The following ROBO2 variants were observed in gnomAD, a reference collection of about 807,000 sequenced individuals.
ROBO2 encodes roundabout guidance receptor 2.
ROBO2 carries 53 observed loss-of-function variants against 160.8 expected under a neutral mutation model. That is an observed-to-expected ratio of 0.33 (90% CI 0.26 to 0.41). The LOEUF (loss-of-function observed/expected upper bound fraction) is 0.41. Among genes scored for constraint, ROBO2 ranks in the 10% least tolerant of loss-of-function variants. The pLI is 1.00. For synonymous variants in ROBO2, 664 were observed against 611.7 expected, an observed-to-expected ratio of 1.09 and a Z score of -1.26; for missense variants, 1,577 against 1,722.4, an observed-to-expected ratio of 0.92 and a Z score of 1.49.
chr3:77,224,160 G>A (rs920872131), intron 2 of ROBO2, among the ~76,000 whole-genome samples: 4 of 151,942 alleles, frequency 2.6e-5, no homozygotes, highest in African/African-American at 7.2e-5. Flanking sequence ...GTCTATTAAT[G>A]TGTTTTTGAC....
intron 2 of ROBO2, among the ~76,000 whole-genome samples, chr3:76,114,482 C>T (rs1425580363): frequency 6.6e-6 from 1 of 151,846 alleles, no homozygotes; most frequent in Non-Finnish European, 1.5e-5. Flanking sequence ...TTAATGGCTG[C>T]CTAGAATGTC....
intron 2 of ROBO2, among the ~76,000 whole-genome samples, chr3:76,524,503 G>A (rs974410248): frequency 6.6e-6 from 1 of 151,786 alleles, no homozygotes; most frequent in Non-Finnish European, 1.5e-5. Context: ...TAAGCACCCA[G>A]ATACTTAACT....
intron 1 of ROBO2, among the ~76,000 whole-genome samples, chr3:77,081,486 C>A (rs114063533): frequency 1.3e-5 from 2 of 152,158 alleles, no homozygotes; most frequent in Non-Finnish European, 2.9e-5. Context: ...TGGAGACTAA[C>A]GTGATGAGCT....
rs372430990 is a variant in ROBO2 at position 76,683,415 on chromosome 3, G to A, written c.110-414599G>A. On this transcript the variant is annotated intron_variant, in intron 2 of 26. Transcript: ENST00000487694. ...TTGCTTCAGTATAATATGATTCAGC[G>A]CAATATAGATTTGGATGATAAAGTT... Among the ~76,000 whole-genome samples, 118 of 138,182 alleles carry A rather than the reference G, an allele frequency of 8.5e-4. 2 individuals carry two copies. Among genetic ancestry groups the A allele is most frequent in the African/African-American group, 3.1e-3 (113 of 36,694 alleles). The allele number at this position is 138,182 out of a possible 152,430, so 90.7% of individuals were successfully genotyped here.
intron 2 of ROBO2, among the ~76,000 whole-genome samples, chr3:76,408,088 C>CA (rs1379412820): frequency 6.6e-6 from 1 of 152,080 alleles, no homozygotes; most frequent in Admixed American, 6.6e-5. Context: ...AATAATAAGA[C>CA]AGGCACTATC....
intron 13 of ROBO2, among the ~76,000 whole-genome samples, chr3:77,569,915 T>C (rs533347976): frequency 6.6e-6 from 1 of 152,110 alleles, no homozygotes; most frequent in South Asian, 2.1e-4. Flanking sequence ...ATTCCAGTTT[T>C]GACATAATTT....
chr3:76,189,474 C>T (rs149733472), intron 2 of ROBO2, among the ~76,000 whole-genome samples: 3,640 of 151,968 alleles, frequency 0.024, 131 homozygotes, highest in African/African-American at 0.076. Flanking sequence ...TTCTATTTTG[C>T]TTTTTGTTTC....
intron 2 of ROBO2, among the ~76,000 whole-genome samples, chr3:76,217,064 G>A (rs1055591554): frequency 5.9e-5 from 9 of 152,120 alleles, no homozygotes; most frequent in Admixed American, 5.2e-4. Flanking sequence ...ATGACTGCTG[G>A]GTACATAACG....
intron 2 of ROBO2, among the ~76,000 whole-genome samples, chr3:76,225,659 A>G (rs1296218349): frequency 6.6e-6 from 1 of 152,174 alleles, no homozygotes; most frequent in Admixed American, 6.5e-5. Flanking sequence ...GGTTGCAGTA[A>G]GCCAAGATCG....
At chr3:76,145,687 C>T (rs1218007806) in intron 2 of ROBO2, among the ~76,000 whole-genome samples, 3 of 151,848 alleles carry the variant, frequency 2.0e-5, no homozygotes, top group East Asian at 3.9e-4. Flanking sequence ...AAAAAGGACT[C>T]GATTTTTTAT....
At chr3:77,605,755 A>T (rs1279429654) in intron 20 of ROBO2, among the ~76,000 whole-genome samples, 1 of 152,218 alleles carries the variant, frequency 6.6e-6, no homozygotes, top group Non-Finnish European at 1.5e-5. Context: ...AACACTCAGA[A>T]TGAACCTCAG....
intron 2 of ROBO2, among the ~76,000 whole-genome samples, chr3:76,371,789 C>T (rs569682965): frequency 3.4e-4 from 51 of 152,006 alleles, no homozygotes; most frequent in African/African-American, 1.2e-3. Context: ...AGAATGGTTA[C>T]TATAATATTA....
At chr3:77,453,839 C>T (rs2153564634) in intron 2 of ROBO2, among the ~76,000 whole-genome samples, 1 of 152,138 alleles carries the variant, frequency 6.6e-6, no homozygotes, top group African/African-American at 2.4e-5. Context: ...CAATTGACTG[C>T]CAAAATCAAA....
At chr3:77,588,910 G>A (rs1360599206) in exon 17 of ROBO2, 1 of 1,613,286 alleles carries the variant, frequency 6.2e-7, no homozygotes, top group East Asian at 2.2e-5. Flanking sequence ...AGAAAGAAGA[G>A]GAAGGGACTC....
intron 2 of ROBO2, among the ~76,000 whole-genome samples, chr3:76,096,350 G>C (rs1265862667): frequency 1.3e-5 from 2 of 152,092 alleles, no homozygotes; most frequent in Non-Finnish European, 2.9e-5. Context: ...AAAAATAAGA[G>C]AAATTAAACT....
chr3:77,387,803 C>T (rs951661326), intron 2 of ROBO2, among the ~76,000 whole-genome samples: 3 of 152,146 alleles, frequency 2.0e-5, no homozygotes, highest in Admixed American at 6.6e-5. Context: ...CAGAAAAATA[C>T]ATAATTGACT....
intron 2 of ROBO2, among the ~76,000 whole-genome samples, chr3:77,111,977 C>T (rs1037136368): frequency 1.3e-5 from 2 of 151,902 alleles, no homozygotes; most frequent in East Asian, 2.0e-4. Context: ...TTTGGGAGGC[C>T]GAGGTGGGCG....
chr3:77,041,801 TA>T (rs1275636610), intron 1 of ROBO2, among the ~76,000 whole-genome samples: 2 of 152,162 alleles, frequency 1.3e-5, no homozygotes, highest in African/African-American at 4.8e-5. Context: ...GAGTACTAGA[TA>T]TTTTTTTTTT....
At chr3:76,471,221 C>G (rs908929343) in intron 2 of ROBO2, among the ~76,000 whole-genome samples, 1 of 152,078 alleles carries the variant, frequency 6.6e-6, no homozygotes, top group Admixed American at 6.6e-5. Flanking sequence ...GAAGTCATGG[C>G]AGGTAACAGG....
Sources: gnomAD v4.1 joint callset for allele counts (sites outside exome capture counted in the v4.1 genomes callset) on GRCh38, gnomAD v4.1.1 for gene constraint, MANE v1.5 for transcripts, NCBI Gene and HGNC (gene_info 2026-07-23, HGNC 2026-07-21) for gene names.